The following ZSCAN25 variants were observed in gnomAD, a reference collection of about 807,000 sequenced individuals.
ZSCAN25 encodes the protein zinc finger and SCAN domain-containing protein 25.
Under a neutral mutation model 38.7 loss-of-function variants are expected in ZSCAN25, and 27 were observed. The ratio of observed to expected loss-of-function variants is 0.70; its 90% CI spans 0.51 to 0.96. The LOEUF is 0.96. ZSCAN25 is among the 40% of genes least tolerant of loss of function. The pLI is 0.00. For synonymous variants in ZSCAN25, 273 were observed against 277.7 expected (o/e 0.98, Z 0.17); for missense variants, 637 against 705.9 (o/e 0.90, Z 1.11).
At position 99,629,399 on chromosome 7, in the gene ZSCAN25, C is replaced by T. The variant is rs748176974; in HGVS notation, c.1014C>T (p.Val338=). 1 of 1,614,166 alleles carries T rather than the reference C, an allele frequency of 6.2e-7. No individual in the cohort carries two copies. The highest frequency in any genetic ancestry group is 1.1e-5 in the South Asian group (1 of 91,078). The change falls in exon 8 of 8, where the codon GTC becomes GTT. Residue 338 remains valine (V), a synonymous_variant. Transcript: ENST00000394152. This position sits in a 1 kb window ranked among gnomAD's most constrained non-coding sequence, Gnocchi z 5.6. ...QHGAIPLPDE[V]KTHSSFWKPF... ...GTGCCATCCCCCTGCCTGACGAAGT[C>T]AAAACCCACAGCTCCTTCTGGAAGC...
At chr7:99,710,698 C>T in the ZSCAN25 span, 2 of 1,613,610 alleles carry the variant, frequency 1.2e-6, no homozygotes, top group Non-Finnish European at 1.7e-6. Context: ...AAGGCTTCAC[C>T]TCCTCCCTCC....
chr7:99,694,825 G>A, the ZSCAN25 span, among the ~76,000 whole-genome samples: 8 of 152,206 alleles, frequency 5.3e-5, 1 homozygote, highest in Admixed American at 5.2e-4. Flanking sequence ...CAGAGGCCAG[G>A]CCCTAGACAG....
rs139651019 is a variant in ZSCAN25 at position 99,619,714 on chromosome 7, T to C, written c.108T>C (p.Pro36=). ...ELPWGRGRED[P]SPETFRLRFR... Reference sequence around the variant, plus strand: ...CATGGGGCAGAGGAAGGGAGGACCCTAGTCCAGAGACTTTTCGGCTGAGGT... The same window carrying C: ...CATGGGGCAGAGGAAGGGAGGACCCCAGTCCAGAGACTTTTCGGCTGAGGT... Residue 36 remains proline, a synonymous_variant, in exon 4 of 8, where the codon CCT becomes CCC. Transcript: ENST00000394152. 6 of 1,614,128 alleles carry C rather than the reference T, an allele frequency of 3.7e-6. No individual in the cohort carries two copies. In the African/African-American group the frequency reaches 4.0e-5, roughly 11 times the overall value.
rs1807938517 is a variant in ZSCAN25, at chr7:99,630,784, G to A, written c.*764G>A. 2.0e-6 allele frequency: 2 copies of A among 985,238 alleles called. No homozygotes were observed. The highest frequency in any genetic ancestry group is 2.4e-6 in the Non-Finnish European group (2 of 829,938). 61.0% of individuals were successfully genotyped at this position (985,238 alleles called of 1,614,324 possible). A position where few individuals can be genotyped will look rare whatever the true frequency, so the allele number is the denominator to read the frequency against. On this transcript the variant is annotated 3_prime_UTR_variant, in exon 8 of 8. Coordinates refer to ENST00000394152, the MANE Select transcript of ZSCAN25 (RefSeq NM_145115.3). ...CATTATTCCTTGCACTATAACAACT[G>A]TCAACACACCAACTATTAGGAAGTT... is the stretch of plus-strand genomic sequence containing the variant.
chr7:99,672,536 C>G, the ZSCAN25 span: 1 of 1,490,394 alleles, frequency 6.7e-7, no homozygotes, highest in East Asian at 2.3e-5. Flanking sequence ...AAAATTTAAT[C>G]AGTGGATCAA....
the ZSCAN25 span, among the ~76,000 whole-genome samples, chr7:99,727,569 C>T: frequency 1.3e-5 from 2 of 152,208 alleles, no homozygotes; most frequent in Non-Finnish European, 2.9e-5. Context: ...GACATTCACT[C>T]TATTTCCCCA....
chr7:99,624,142 G>GGGAGTATGTGGAACCGCA lies in ZSCAN25; in HGVS notation c.771_788dup (p.Glu257_Gln262dup). The GGGAGTATGTGGAACCGCA allele has an allele frequency of 6.8e-6, 11 of 1,613,986 alleles. No individual in the cohort carries two copies. Among genetic ancestry groups the GGGAGTATGTGGAACCGCA allele is most frequent in the Non-Finnish European group, 8.5e-6 (10 of 1,179,972 alleles). ...ACCCCAGCCCAGATAGACTGCTTTGGGGAGTATGTGGAACCGCAGGACTGC... is the reference window on the plus strand; with the variant it reads ...ACCCCAGCCCAGATAGACTGCTTTGGGGAGTATGTGGAACCGCAGGAGTATGTGGAACCGCAGGACTGC... On this transcript the variant is annotated inframe_insertion, in exon 7 of 8. Coordinates refer to ENST00000394152, the MANE Select transcript of ZSCAN25 (RefSeq NM_145115.3).
chr7:99,621,332 G>T (rs767265877), intron 4 of ZSCAN25, 41 bp from the exon 5 acceptor site: 1 of 1,321,134 alleles, frequency 7.6e-7, no homozygotes, highest in Non-Finnish European at 9.8e-7. Context: ...TAACAGCCTT[G>T]CCCAGGCCTC....
the ZSCAN25 span, among the ~76,000 whole-genome samples, chr7:99,735,604 T>A: frequency 6.6e-6 from 1 of 152,156 alleles, no homozygotes; most frequent in Non-Finnish European, 1.5e-5. Context: ...CATCCTTTCA[T>A]ACCCAGCCAG....
rs952833658 is a variant in ZSCAN25, at chr7:99,631,849, G to A, written c.*1829G>A. On this transcript the variant is annotated 3_prime_UTR_variant, in exon 8 of 8. Transcript: ENST00000394152. The stretch of plus-strand genomic sequence containing the variant: ...GTATCTGAGATGTCCACACGGGGCT[G>A]CTGCTGCTCCTCTGTAATACTGAGG... 23 of 985,350 alleles carry A rather than the reference G, an allele frequency of 2.3e-5. No individual in the cohort carries two copies. In the African/African-American group the frequency reaches 3.8e-4, roughly 16 times the overall value. 61.0% of individuals were successfully genotyped at this position (985,350 alleles called of 1,614,324 possible).
the ZSCAN25 span, among the ~76,000 whole-genome samples, chr7:99,649,650 T>G: frequency 6.6e-6 from 1 of 152,194 alleles, no homozygotes; most frequent in African/African-American, 2.4e-5. Flanking sequence ...CATCATGAAT[T>G]TTTGAAGCTC....
chr7:99,634,632 A>G (rs1808195382), downstream of ZSCAN25, among the ~76,000 whole-genome samples: 1 of 152,316 alleles, frequency 6.6e-6, no homozygotes, highest in Non-Finnish European at 1.5e-5. Flanking sequence ...TACTAAAAAT[A>G]TATAAAAAAA....
chr7:99,640,879 G>A, the ZSCAN25 span, among the ~76,000 whole-genome samples: 1 of 152,226 alleles, frequency 6.6e-6, no homozygotes, highest in African/African-American at 2.4e-5. Flanking sequence ...CTGAGAAGCA[G>A]AGCGACTTGG....
At chr7:99,626,763 A>G (rs1004479995) in intron 7 of ZSCAN25, among the ~76,000 whole-genome samples, 3 of 152,214 alleles carry the variant, frequency 2.0e-5, no homozygotes, top group African/African-American at 4.8e-5. Flanking sequence ...ATCATGAACC[A>G]TTGCATTCCT....
chr7:99,677,090 ATC>A, the ZSCAN25 span: 2 of 738,002 alleles, frequency 2.7e-6, no homozygotes, highest in Non-Finnish European at 3.3e-6. Context: ...TACGTGAAGT[ATC>A]TCTGAGGAAA....
intron 7 of ZSCAN25, among the ~76,000 whole-genome samples, chr7:99,625,632 G>C (rs1807402798): frequency 6.6e-6 from 1 of 152,194 alleles, no homozygotes; most frequent in Non-Finnish European, 1.5e-5. Context: ...CGAGTGATGA[G>C]CCCCAGACAA....
chr7:99,661,941 A>G, the ZSCAN25 span, among the ~76,000 whole-genome samples: 3 of 152,270 alleles, frequency 2.0e-5, no homozygotes, highest in African/African-American at 4.8e-5. Flanking sequence ...CATTGGCCAC[A>G]TGTCCAGTAC....
Position 99,622,541 on chromosome 7 carries a change from C to T in ZSCAN25, c.590-8C>T, listed in dbSNP as rs1430615292. The T allele has an allele frequency of 1.2e-6, 2 of 1,614,024 alleles. No individual in the cohort carries two copies. The highest frequency in any genetic ancestry group is 3.3e-5 in the Admixed American group (2 of 60,026). ...CTGATCTTTCTCATGCTTTTTGTCC[C>T]TGCTCAGCACTACCTGTTCTGCAGG... On this transcript the variant is annotated splice_region_variant and splice_polypyrimidine_tract_variant and intron_variant, in intron 5 of 7. Coordinates refer to ENST00000394152, the MANE Select transcript of ZSCAN25 (RefSeq NM_145115.3).
In ZSCAN25 at chr7:99,630,882, A is replaced by G; in HGVS notation, c.*862A>G. ...ACAGTTCTCTAGAAAGAACTGTTATAATTAAAATGAGTCTGAAAGATGAAC... is the reference window on the plus strand; with the variant it reads ...ACAGTTCTCTAGAAAGAACTGTTATGATTAAAATGAGTCTGAAAGATGAAC... On this transcript the variant is annotated 3_prime_UTR_variant, in exon 8 of 8. Transcript: ENST00000394152. 2.0e-6 allele frequency: 2 copies of G among 982,500 alleles called. No individual in the cohort carries two copies. The highest frequency in any genetic ancestry group is 2.4e-6 in the Non-Finnish European group (2 of 827,238). 60.9% of individuals were successfully genotyped at this position (982,500 alleles called of 1,614,324 possible). A position where few individuals can be genotyped will look rare whatever the true frequency, so the allele number is the denominator to read the frequency against.
Sources: allele counts gnomAD v4.1 joint callset (sites outside exome capture counted in the v4.1 genomes callset), GRCh38; gene constraint gnomAD v4.1.1; non-coding constraint Gnocchi (gnomAD v3.1); transcripts MANE v1.5; gene names NCBI Gene and HGNC (gene_info 2026-07-23, HGNC 2026-07-21).